RBFOX1: variants seen among roughly 807,000 people sequenced by gnomAD.
The protein encoded by RBFOX1 is RNA binding protein fox-1 homolog 1.
Under a neutral mutation model 57.7 loss-of-function variants are expected in RBFOX1, and 8 were observed. The ratio of observed to expected loss-of-function variants is 0.14; its 90% CI spans 0.08 to 0.25. The LOEUF is 0.25. RBFOX1 is among the 10% of genes least tolerant of loss of function. The pLI, the probability that RBFOX1 is intolerant of heterozygous loss-of-function variation, is 1.00. For missense variants in RBFOX1, 611 were observed against 548.5 expected (o/e 1.11, Z -1.14); for synonymous variants, 326 against 222.4 (o/e 1.47, Z -4.15).
intron 4 of RBFOX1, among the ~76,000 whole-genome samples, chr16:7,104,296 T>C (rs907021784): frequency 2.0e-5 from 3 of 152,140 alleles, no homozygotes; most frequent in African/African-American, 7.2e-5. Context: ...GAATTGAGGA[T>C]ATAAGACAGT....
rs1342256292 is a variant in RBFOX1 at position 5,276,538 on chromosome 16, A to G, written c.219+36433A>G. On this transcript the variant is annotated intron_variant, in intron 1 of 2. Transcript: ENST00000585867. ...CGTGGCTGACGCGTGTAATCCCAGT[A>G]CTTTGGGAGGCCGAGGCGGGTGTAT... Among the ~76,000 whole-genome samples, 3 of 152,212 alleles carry G rather than the reference A, an allele frequency of 2.0e-5. No homozygotes were observed. In the East Asian group the frequency reaches 5.8e-4, roughly 29 times the overall value.
At chr16:6,812,053 C>T (rs994196333) in intron 3 of RBFOX1, among the ~76,000 whole-genome samples, 6 of 151,970 alleles carry the variant, frequency 3.9e-5, no homozygotes, top group Admixed American at 6.6e-5. Flanking sequence ...TGGTTGGTTT[C>T]ATGTATCACC....
intron 4 of RBFOX1, among the ~76,000 whole-genome samples, chr16:7,143,678 C>G (rs531280807): frequency 6.6e-6 from 1 of 152,084 alleles, no homozygotes. Context: ...TCTGCAGATA[C>G]GATCCTCAGC....
At chr16:6,702,208 C>T (rs2061960902) in intron 3 of RBFOX1, among the ~76,000 whole-genome samples, 1 of 152,144 alleles carries the variant, frequency 6.6e-6, no homozygotes, top group African/African-American at 2.4e-5. Flanking sequence ...CCAGTAGACC[C>T]ACCTCCAACA....
At chr16:6,782,610 T>A (rs1240938098) in intron 3 of RBFOX1, among the ~76,000 whole-genome samples, 1 of 152,164 alleles carries the variant, frequency 6.6e-6, no homozygotes, top group Non-Finnish European at 1.5e-5. Context: ...ATGATTTGGA[T>A]TTTTCTGAAT....
At chr16:7,383,387 T>A (rs561782864) in intron 4 of RBFOX1, among the ~76,000 whole-genome samples, 21 of 152,000 alleles carry the variant, frequency 1.4e-4, no homozygotes, top group Non-Finnish European at 3.1e-4. Flanking sequence ...AGATGGCAAA[T>A]ATGTTAGTGA....
intron 3 of RBFOX1, among the ~76,000 whole-genome samples, chr16:6,973,672 A>T (rs897839864): frequency 2.0e-5 from 3 of 152,176 alleles, no homozygotes; most frequent in Admixed American, 2.0e-4. Flanking sequence ...AAATAAACCC[A>T]TTTGGGATTT....
intron 1 of RBFOX1, among the ~76,000 whole-genome samples, chr16:6,137,369 A>G (rs1166428534): frequency 6.6e-6 from 1 of 152,086 alleles, no homozygotes; most frequent in Non-Finnish European, 1.5e-5. Flanking sequence ...TAGTGGCGTG[A>G]TCCCGGCTCA....
rs1017802837 is a variant in RBFOX1, at chr16:6,957,826, C to G, written c.-15-94231C>G. On this transcript the variant is annotated intron_variant, in intron 3 of 15. Coordinates refer to ENST00000550418, the MANE Select transcript of RBFOX1 (RefSeq NM_018723.4). ...AGGCATCTCTCTTTTCACACAGCCT[C>G]TTTGTGTAGTTAGCCTGGACTTCCT... 1.6e-4 allele frequency among the ~76,000 whole-genome samples: 25 copies of G among 152,122 alleles called. 1 individual carries two copies. Among genetic ancestry groups the G allele is most frequent in the Admixed American group, 1.4e-3 (21 of 15,266 alleles).
intron 10 of RBFOX1, among the ~76,000 whole-genome samples, chr16:7,617,556 A>G (rs2058657532): frequency 2.0e-5 from 3 of 152,160 alleles, no homozygotes; most frequent in Non-Finnish European, 2.9e-5. Flanking sequence ...TATATACTAC[A>G]TGAACCCATG....
At chr16:6,849,742 C>T (rs984290661) in intron 3 of RBFOX1, among the ~76,000 whole-genome samples, 2 of 152,104 alleles carry the variant, frequency 1.3e-5, no homozygotes, top group Non-Finnish European at 2.9e-5. Flanking sequence ...CGCCTACATC[C>T]CACATATCCC....
intron 3 of RBFOX1, among the ~76,000 whole-genome samples, chr16:6,929,029 C>T (rs752663275): frequency 6.6e-6 from 1 of 152,126 alleles, no homozygotes; most frequent in Admixed American, 6.6e-5. Context: ...TCCAAGGGAG[C>T]AGATGTGAGC....
At chr16:7,135,992 C>G (rs1361533448) in intron 4 of RBFOX1, among the ~76,000 whole-genome samples, 2 of 152,180 alleles carry the variant, frequency 1.3e-5, no homozygotes, top group Non-Finnish European at 2.9e-5. Context: ...CCTAGGTGCT[C>G]TTCCTGTAAA....
chr16:6,220,945 A>C (rs1016516381), intron 1 of RBFOX1, among the ~76,000 whole-genome samples: 2 of 151,952 alleles, frequency 1.3e-5, no homozygotes, highest in African/African-American at 2.4e-5. Flanking sequence ...ATGGCTATCA[A>C]ATACTTCACT....
intron 1 of RBFOX1, among the ~76,000 whole-genome samples, chr16:6,254,745 A>G (rs562424662): frequency 5.9e-5 from 9 of 152,206 alleles, no homozygotes; most frequent in Non-Finnish European, 1.2e-4. Context: ...TAAAATTAAC[A>G]TAAATTAAAA....
intron 2 of RBFOX1, among the ~76,000 whole-genome samples, chr16:6,354,425 G>A (rs2086925095): frequency 6.6e-6 from 1 of 152,108 alleles, no homozygotes; most frequent in South Asian, 2.1e-4. Context: ...GTCTGCACCA[G>A]TCTCTTCTCC....
intron 2 of RBFOX1, among the ~76,000 whole-genome samples, chr16:6,650,212 C>G (rs566410078): frequency 1.3e-5 from 2 of 152,274 alleles, no homozygotes; most frequent in South Asian, 4.1e-4. Flanking sequence ...GTTGGAGAGT[C>G]TCACTTTGAG....
chr16:7,551,363 C>T (rs1184631130), intron 5 of RBFOX1, among the ~76,000 whole-genome samples: 3 of 151,960 alleles, frequency 2.0e-5, no homozygotes, highest in Non-Finnish European at 4.4e-5. Flanking sequence ...TGAGATGTAC[C>T]CTCCAGGGGC....
Position 7,659,366 on chromosome 16 carries a change from T to A in RBFOX1, c.890+5419T>A, listed in dbSNP as rs890748256. On this transcript the variant is annotated intron_variant, in intron 12 of 15. Coordinates refer to ENST00000550418, the MANE Select transcript of RBFOX1 (RefSeq NM_018723.4). ...TTTCTGTGTACAGATCAGCCATGCT[T>A]TCTGGTTTTATCTTCTAAATATCTA... Among the ~76,000 whole-genome samples the A allele has an allele frequency of 3.9e-5, 6 of 152,330 alleles. No homozygotes were observed. In the East Asian group the frequency reaches 9.7e-4, roughly 25 times the overall value.
Sources: allele counts gnomAD v4.1 joint callset (sites outside exome capture counted in the v4.1 genomes callset), GRCh38; gene constraint gnomAD v4.1.1; transcripts MANE v1.5; gene names NCBI Gene and HGNC (gene_info 2026-07-23, HGNC 2026-07-21).